ZC3HAV1: variants seen among roughly 807,000 people sequenced by gnomAD.
ZC3HAV1 encodes the protein zinc finger CCCH-type containing, antiviral 1.
In ZC3HAV1, 41 loss-of-function variants were observed where a neutral mutation model predicts 86.6. That is an observed-to-expected ratio of 0.47 (90% CI 0.37 to 0.61). The LOEUF (loss-of-function observed/expected upper bound fraction) is 0.61. ZC3HAV1 is among the 20% of genes least tolerant of loss of function. ZC3HAV1 has a pLI of 0.00. For missense variants in ZC3HAV1, 964 were observed against 1,141.1 expected, an observed-to-expected ratio of 0.84 and a Z score of 2.24; for synonymous variants, 421 against 432.1, an observed-to-expected ratio of 0.97 and a Z score of 0.32.
At chr7:139,094,466 A>G (rs535087548) in intron 1 of ZC3HAV1, among the ~76,000 whole-genome samples, 1 of 151,044 alleles carries the variant, frequency 6.6e-6, no homozygotes, top group East Asian at 2.0e-4. Context: ...CCTCAAACAA[A>G]GAGGGCGAGT....
intron 1 of ZC3HAV1, among the ~76,000 whole-genome samples, chr7:139,102,938 ATATATG>A (rs57404294): frequency 0.044 from 6,473 of 146,648 alleles, 436 homozygotes; most frequent in African/African-American, 0.14. Context: ...AAAAGTATAT[ATATATG>A]TATATGTATA....
intron 6 of ZC3HAV1, 92 bp downstream of exon 6, chr7:139,076,194 A>C (rs1399224580): frequency 1.3e-6 from 2 of 1,553,564 alleles, no homozygotes; most frequent in African/African-American, 2.8e-5. Flanking sequence ...CTGATGGAAA[A>C]GTGTTTTTTT....
At chr7:139,064,253 G>C (rs1382994331) in intron 8 of ZC3HAV1, among the ~76,000 whole-genome samples, 3 of 152,338 alleles carry the variant, frequency 2.0e-5, no homozygotes, top group Admixed American at 2.0e-4. Context: ...GAAAGGGCAA[G>C]CACTTGATCA....
intron 1 of ZC3HAV1, among the ~76,000 whole-genome samples, 156 bp from the exon 2 acceptor site, chr7:139,089,915 A>T (rs79455946): frequency 0.022 from 3,352 of 151,854 alleles, 114 homozygotes; most frequent in African/African-American, 0.077. Flanking sequence ...ATATTTATTT[A>T]TTTTTTTTAC....
intron 7 of ZC3HAV1, among the ~76,000 whole-genome samples, chr7:139,072,360 A>G (rs977922752): frequency 1.3e-5 from 2 of 151,800 alleles, no homozygotes; most frequent in Non-Finnish European, 2.9e-5. Flanking sequence ...AATTTTTTGT[A>G]TTTTTAGTAG....
At position 139,080,624 on chromosome 7, in the gene ZC3HAV1, C is replaced by T. The variant is rs147325802; in HGVS notation, c.698-381G>A. Among the ~76,000 whole-genome samples, 472 of 152,242 alleles carry T rather than the reference C, an allele frequency of 3.1e-3. 5 individuals are homozygous for T. Among genetic ancestry groups the T allele is most frequent in the African/African-American group, 1.0e-2 (414 of 41,538 alleles). ...AAAGAATCTTGACATTCTGCCTGCA[C>T]GGCAGAGCACGTCATTCCATGGCCT... On this transcript the variant is annotated intron_variant, in intron 3 of 12. Transcript: ENST00000242351.
intron 1 of ZC3HAV1, among the ~76,000 whole-genome samples, chr7:139,100,988 G>A (rs960609352): frequency 6.7e-4 from 102 of 152,230 alleles, no homozygotes; most frequent in Non-Finnish European, 1.2e-3. Context: ...GATTGCAGGC[G>A]CGTGCCGCCA....
rs751252008 is a variant in ZC3HAV1 at position 139,079,941 on chromosome 7, C to T, written c.1000G>A (p.Gly334Ser). 25 of 1,614,034 alleles carry T rather than the reference C, an allele frequency of 1.5e-5. No individual in the cohort carries two copies. Among genetic ancestry groups the T allele is most frequent in the South Asian group, 2.2e-5 (2 of 91,092 alleles). Reference protein sequence around the residue: ...AGTSQRFLENGSQEDLLHGNP... With the variant: ...AGTSQRFLENSSQEDLLHGNP... ...CCATGCAAGAGGTCCTCTTGACTGCCGTTCTCTAAAAACCTCTGGCTTGTC... is the reference window on the plus strand; with the variant it reads ...CCATGCAAGAGGTCCTCTTGACTGCTGTTCTCTAAAAACCTCTGGCTTGTC... The change falls in exon 4 of 13, where the codon GGC (glycine) becomes AGC (serine). Residue 334 changes from glycine (G) to serine (S), a missense_variant. By Grantham distance (56) the Gly-to-Ser change is moderately conservative. Transcript: ENST00000242351.
intron 11 of ZC3HAV1, 125 bp from the exon 12 acceptor site, chr7:139,053,706 C>T: frequency 7.6e-7 from 1 of 1,312,112 alleles, no homozygotes; most frequent in East Asian, 2.5e-5. Flanking sequence ...AACGGAGCTA[C>T]TAACTTTAAG....
intron 9 of ZC3HAV1, among the ~76,000 whole-genome samples, chr7:139,057,125 G>C (rs1189676336): frequency 7.1e-6 from 1 of 140,300 alleles, no homozygotes; most frequent in African/African-American, 2.6e-5. Context: ...GAAGCAGGAG[G>C]ATTGCTTGAG....
intron 7 of ZC3HAV1, among the ~76,000 whole-genome samples, chr7:139,066,792 C>T (rs1816617966): frequency 6.6e-6 from 1 of 152,160 alleles, no homozygotes; most frequent in Non-Finnish European, 1.5e-5. Context: ...AATTTCCCAT[C>T]CCTACAGTTG....
intron 1 of ZC3HAV1, among the ~76,000 whole-genome samples, chr7:139,103,192 C>A (rs1817828316): frequency 6.6e-6 from 1 of 150,496 alleles, no homozygotes. Flanking sequence ...GGGCATGCAC[C>A]ACCACGCCCA....
At chr7:139,074,431 CATA>C (rs1014399046) in intron 6 of ZC3HAV1, among the ~76,000 whole-genome samples, 4 of 152,086 alleles carry the variant, frequency 2.6e-5, no homozygotes, top group African/African-American at 9.7e-5. Flanking sequence ...AAGTGATTTT[CATA>C]ATAACATTAA....
chr7:139,080,805 A>C (rs1428570918), intron 3 of ZC3HAV1, among the ~76,000 whole-genome samples: 1 of 152,216 alleles, frequency 6.6e-6, no homozygotes, highest in Non-Finnish European at 1.5e-5. Context: ...GAGATAGATT[A>C]GGGCAAATCA....
intron 1 of ZC3HAV1, among the ~76,000 whole-genome samples, chr7:139,098,841 C>T (rs1817677051): frequency 6.6e-6 from 1 of 152,096 alleles, no homozygotes; most frequent in Non-Finnish European, 1.5e-5. Flanking sequence ...AAACCTTTTA[C>T]CCCTTTTTCA....
chr7:139,086,499 A>G (rs534611087), intron 2 of ZC3HAV1, among the ~76,000 whole-genome samples: 1 of 147,836 alleles, frequency 6.8e-6, no homozygotes, highest in Admixed American at 6.8e-5. Flanking sequence ...AAGTATGATG[A>G]CAACATTTTC....
intron 10 of ZC3HAV1, 33 bp downstream of exon 10, chr7:139,055,172 A>G (rs1233328805): frequency 6.4e-7 from 1 of 1,568,552 alleles, no homozygotes; most frequent in East Asian, 2.3e-5. Context: ...AACTTTTAAC[A>G]GACTCATCCA....
chr7:139,077,545 T>G (rs1816989077), intron 5 of ZC3HAV1, among the ~76,000 whole-genome samples: 1 of 152,020 alleles, frequency 6.6e-6, no homozygotes, highest in African/African-American at 2.4e-5. Flanking sequence ...TGCCTGGCAT[T>G]TTATGGATGT....
intron 5 of ZC3HAV1, 104 bp downstream of exon 5, chr7:139,078,448 G>T: frequency 1.2e-6 from 1 of 811,044 alleles, no homozygotes; most frequent in South Asian, 1.7e-5. Flanking sequence ...CAAAAGAATT[G>T]AAAGCAGGGT....
Sources: gnomAD v4.1 joint callset for allele counts (sites outside exome capture counted in the v4.1 genomes callset) on GRCh38, gnomAD v4.1.1 for gene constraint, MANE v1.5 for transcripts, NCBI Gene and HGNC (gene_info 2026-07-23, HGNC 2026-07-21) for gene names.